RBM20: variants seen among roughly 807,000 people sequenced by gnomAD.
RBM20 encodes RNA binding motif protein 20.
A neutral mutation model predicts 110.1 loss-of-function variants in RBM20; 51 were observed. That is an observed-to-expected ratio of 0.46 (90% CI 0.37 to 0.59). The LOEUF (loss-of-function observed/expected upper bound fraction) is 0.59. RBM20 is among the 20% of genes least tolerant of loss of function. RBM20 has a pLI of 0.00. For missense variants in RBM20, 1,512 were observed against 1,574.9 expected (o/e 0.96, Z 0.68); for synonymous variants, 589 against 618.2 (o/e 0.95, Z 0.70).
At position 110,812,921 on chromosome 10, in the gene RBM20, A is replaced by G; in HGVS notation, c.2524A>G (p.Lys842Glu). The G allele has an allele frequency of 6.9e-7, 1 of 1,452,880 alleles. No individual in the cohort carries two copies. The highest frequency in any genetic ancestry group is 9.1e-7 in the Non-Finnish European group (1 of 1,101,198). 90.0% of individuals were successfully genotyped at this position (1,452,880 alleles called of 1,614,324 possible). A position where few individuals can be genotyped will look rare whatever the true frequency, so the allele number is the denominator to read the frequency against. ...DRDQEGADDR[K>E]ENTMAENEAG... is the part of the protein sequence containing the mutation. ...AGACCAAGAAGGAGCTGATGATAGA[A>G]AAGAAAACACAATGGCAGAGAATGA... The change falls in exon 9 of 14, where the codon AAA (lysine) becomes GAA (glutamate). Residue 842 changes from lysine to glutamate, a missense_variant. Transcript: ENST00000369519.
In RBM20 at chr10:110,644,378, G is replaced by C. The variant is rs1219902503; in HGVS notation, c.-77G>C. On this transcript the variant is annotated 5_prime_UTR_variant, in exon 1 of 14. Coordinates refer to ENST00000369519, the MANE Select transcript of RBM20 (RefSeq NM_001134363.3). This position sits in a 1 kb window ranked among gnomAD's most constrained non-coding sequence, Gnocchi z 4.3. ...AAGGGGACTGGGCACGGGGACCCCG[G>C]CCAGTGAGCGCCCGTGGCCCGGGAC... 8.2e-7 allele frequency: 1 copy of C among 1,225,386 alleles called. No homozygotes were observed. Among genetic ancestry groups the C allele is most frequent in the East Asian group, 3.1e-5 (1 of 31,826 alleles). 75.9% of individuals were successfully genotyped at this position (1,225,386 alleles called of 1,614,324 possible). A position where few individuals can be genotyped will look rare whatever the true frequency, so the allele number is the denominator to read the frequency against.
intron 7 of RBM20, among the ~76,000 whole-genome samples, chr10:110,804,346 G>C (rs2146548): frequency 6.6e-6 from 1 of 151,890 alleles, no homozygotes; most frequent in East Asian, 1.9e-4. Context: ...CGGGAAGGTA[G>C]AGGGCAAACA....
chr10:110,809,577 G>C (rs7908618), intron 7 of RBM20, among the ~76,000 whole-genome samples: 2,454 of 152,214 alleles, frequency 0.016, 57 homozygotes, highest in African/African-American at 0.054. Context: ...GGGGGGCTGG[G>C]GTTGGTCCTG....
chr10:110,781,355 G>T lies in RBM20; in HGVS notation c.746G>T (p.Gly249Val), dbSNP rs397516623. Residue 249 changes from glycine (G) to valine (V), a missense_variant, in exon 2 of 14, where the codon GGC becomes GTC. Gly to Val is a moderately radical substitution (Grantham distance 109, BLOSUM62 -3). Coordinates refer to ENST00000369519, the MANE Select transcript of RBM20 (RefSeq NM_001134363.3). ...GGCCCTGAAACAGATGGTCAGCCTG[G>T]CTTCCTGCCATCCTCGGCCTCAACC... ...TYGPETDGQP[G>V]FLPSSASTSG... 1 of 1,551,670 alleles carries T rather than the reference G, an allele frequency of 6.4e-7. No individual in the cohort carries two copies. The highest frequency in any genetic ancestry group is 8.7e-7 in the Non-Finnish European group (1 of 1,146,998).
intron 12 of RBM20, among the ~76,000 whole-genome samples, chr10:110,824,129 C>T (rs966861827): frequency 3.9e-5 from 6 of 152,140 alleles, no homozygotes; most frequent in Non-Finnish European, 5.9e-5. Context: ...CCAGATACTC[C>T]GTGAAAACAG....
At chr10:110,657,406 T>G (rs1333019570) in intron 1 of RBM20, among the ~76,000 whole-genome samples, 1 of 152,134 alleles carries the variant, frequency 6.6e-6, no homozygotes, top group African/African-American at 2.4e-5. Flanking sequence ...TGACTAATGA[T>G]ATTGAGCTTC....
intron 7 of RBM20, among the ~76,000 whole-genome samples, chr10:110,809,217 T>TAAAAAAAAAAAAAAA (rs1564853204): frequency 9.2e-5 from 1 of 10,814 alleles, no homozygotes; most frequent in Non-Finnish European, 3.6e-4. Context: ...ACCCCGTTTC[T>TAAAAAAAAAAAAAAA]TAAAAAAAAA....
chr10:110,701,167 A>G (rs528736818), intron 1 of RBM20, among the ~76,000 whole-genome samples: 1 of 152,286 alleles, frequency 6.6e-6, no homozygotes, highest in East Asian at 1.9e-4. Context: ...TACCTGTGTG[A>G]GCCGGGGGTT....
intron 7 of RBM20, among the ~76,000 whole-genome samples, chr10:110,806,277 A>AAG (rs1266055667): frequency 6.6e-6 from 1 of 151,936 alleles, no homozygotes; most frequent in East Asian, 1.9e-4. Flanking sequence ...CAAAAAAAAA[A>AAG]AAAAGAACTA....
intron 1 of RBM20, among the ~76,000 whole-genome samples, chr10:110,667,182 T>C (rs1327991448): frequency 2.0e-5 from 3 of 152,218 alleles, no homozygotes; most frequent in Non-Finnish European, 4.4e-5. Flanking sequence ...AGGTGAGGTC[T>C]CTGATGTTCA....
rs140573184 is a variant in RBM20, at chr10:110,648,258, T to C, written c.191+3613T>C. 2.0e-3 allele frequency among the ~76,000 whole-genome samples: 311 copies of C among 152,350 alleles called. 2 individuals carry two copies. The highest frequency in any genetic ancestry group is 7.3e-3 in the African/African-American group (304 of 41,594). On this transcript the variant is annotated intron_variant, in intron 1 of 13. Transcript: ENST00000369519. Reference sequence around the variant, plus strand: ...AGTCTTCCGTATAGCATTAGAACACTGGCTGTCTATATTTTCAGAGCAAAG... The same window carrying C: ...AGTCTTCCGTATAGCATTAGAACACCGGCTGTCTATATTTTCAGAGCAAAG...
intron 1 of RBM20, among the ~76,000 whole-genome samples, chr10:110,718,517 T>A (rs1843461878): frequency 6.6e-6 from 1 of 151,932 alleles, no homozygotes. Flanking sequence ...TTTTAGCATA[T>A]ACTGTAGGTT....
chr10:110,816,859 A>G (rs772144563), intron 9 of RBM20, among the ~76,000 whole-genome samples: 2 of 152,146 alleles, frequency 1.3e-5, no homozygotes, highest in African/African-American at 2.4e-5. Flanking sequence ...TGTAAAATGG[A>G]TGTGATCACA....
chr10:110,745,077 A>T (rs1196025828), intron 1 of RBM20, among the ~76,000 whole-genome samples: 2 of 152,178 alleles, frequency 1.3e-5, no homozygotes, highest in Non-Finnish European at 2.9e-5. Context: ...TCAATGTTGT[A>T]AGCAGTTGCT....
intron 7 of RBM20, among the ~76,000 whole-genome samples, chr10:110,809,138 C>G (rs998324806): frequency 2.1e-5 from 3 of 144,070 alleles, no homozygotes; most frequent in African/African-American, 7.7e-5. Flanking sequence ...ATCACTTGTG[C>G]CTGGGAGGTT....
chr10:110,681,135 C>T (rs1457860665), intron 1 of RBM20, among the ~76,000 whole-genome samples: 1 of 152,164 alleles, frequency 6.6e-6, no homozygotes, highest in Non-Finnish European at 1.5e-5. Flanking sequence ...AGGGAGAGAC[C>T]TCTGCAGAAG....
chr10:110,715,030 G>A lies in RBM20; in HGVS notation c.192-65771G>A, dbSNP rs190302407. ...TGGGAGGTCGAGGCAGGCAGATCAC[G>A]TGAGGTCAGGAGTTCGAGACCATCC... On this transcript the variant is annotated intron_variant, in intron 1 of 13. Transcript: ENST00000369519. Among the ~76,000 whole-genome samples the A allele has an allele frequency of 1.2e-4, 19 of 152,228 alleles. 1 individual carries two copies. In the South Asian group the frequency reaches 2.3e-3, roughly 18 times the overall value.
intron 1 of RBM20, among the ~76,000 whole-genome samples, chr10:110,719,297 G>A (rs905633759): frequency 1.3e-5 from 2 of 152,234 alleles, no homozygotes; most frequent in Non-Finnish European, 2.9e-5. Context: ...TGTTGTTGCT[G>A]TTCATTCCTC....
chr10:110,751,669 G>C (rs750046450), intron 1 of RBM20, among the ~76,000 whole-genome samples: 1 of 152,168 alleles, frequency 6.6e-6, no homozygotes, highest in African/African-American at 2.4e-5. Context: ...AGTTATAATA[G>C]TAATTTACTT....
Sources: gnomAD v4.1 joint callset for allele counts (sites outside exome capture counted in the v4.1 genomes callset) on GRCh38, gnomAD v4.1.1 for gene constraint, Gnocchi (gnomAD v3.1) non-coding constraint, MANE v1.5 for transcripts, NCBI Gene and HGNC (gene_info 2026-07-23, HGNC 2026-07-21) for gene names.